FGFR2: variants seen among roughly 807,000 people sequenced by gnomAD.
FGFR2 encodes fibroblast growth factor receptor 2.
FGFR2 carries 19 observed loss-of-function variants against 95.9 expected under a neutral mutation model. The observed-to-expected ratio is 0.20, with a 90% CI of 0.14 to 0.29. The LOEUF is 0.29. FGFR2 is among the 10% of genes least tolerant of loss of function. The probability of loss-of-function intolerance (pLI) is 1.00; values close to 1 mark genes in which losing one functional copy is unlikely to be tolerated. For missense variants in FGFR2, 707 were observed against 1,056.9 expected, an observed-to-expected ratio of 0.67 and a Z score of 4.59; for synonymous variants, 392 against 393.3, an observed-to-expected ratio of 1.00 and a Z score of 0.04.
intron 17 of FGFR2, 82 bp downstream of exon 17, chr10:121,483,616 A>G (rs552584481): frequency 2.2e-4 from 222 of 991,792 alleles, no homozygotes; most frequent in Non-Finnish European, 3.2e-4. Flanking sequence ...ACCAACAGCC[A>G]ACAGGGGAGT....
intron 5 of FGFR2, among the ~76,000 whole-genome samples, chr10:121,540,094 A>G (rs1853475552): frequency 6.6e-6 from 1 of 152,194 alleles, no homozygotes; most frequent in Admixed American, 6.5e-5. Context: ...GGATCACTGG[A>G]TGAAGGTTGG....
At position 121,518,892 on chromosome 10, in the gene FGFR2, TC is replaced by T. The variant is rs1850096355; in HGVS notation, c.939+1086del. Reference sequence around the variant, plus strand: ...AGGAAGGTCTTAGCATTGTCTATGGTCCCACCACCAACACACCGCAAGAAAA... The same window carrying T: ...AGGAAGGTCTTAGCATTGTCTATGGTCCACCACCAACACACCGCAAGAAAA... On this transcript the variant is annotated intron_variant, in intron 7 of 17. Transcript: ENST00000358487. This position sits in a 1 kb window ranked among gnomAD's most constrained non-coding sequence, Gnocchi z 4.0. The T allele has an allele frequency of 5.0e-6, 8 of 1,596,926 alleles. No individual in the cohort carries two copies. Among genetic ancestry groups the T allele is most frequent in the Middle Eastern group, 1.7e-4 (1 of 6,022 alleles).
chr10:121,540,888 T>G, intron 5 of FGFR2, among the ~76,000 whole-genome samples: 1 of 152,162 alleles, frequency 6.6e-6, no homozygotes, highest in East Asian at 1.9e-4. Context: ...CATGGAGTAT[T>G]CCAAATGGAG....
intron 1 of FGFR2, among the ~76,000 whole-genome samples, chr10:121,596,945 G>A (rs1564760892): frequency 6.6e-6 from 1 of 152,198 alleles, no homozygotes; most frequent in Non-Finnish European, 1.5e-5. Flanking sequence ...GAGCCCGGTG[G>A]AAGATTTACA....
At chr10:121,513,395 C>T (rs1297092481) in intron 9 of FGFR2, among the ~76,000 whole-genome samples, 2 of 152,126 alleles carry the variant, frequency 1.3e-5, no homozygotes, top group Admixed American at 6.6e-5. Flanking sequence ...AAAGAAAACA[C>T]GATGACTGTG....
chr10:121,540,445 G>A (rs573662294), intron 5 of FGFR2, among the ~76,000 whole-genome samples: 97 of 152,316 alleles, frequency 6.4e-4, no homozygotes, highest in Non-Finnish European at 1.0e-3. Flanking sequence ...GTCTTCTGAA[G>A]GAGGAGGAGA....
intron 4 of FGFR2, among the ~76,000 whole-genome samples, chr10:121,560,540 G>A (rs1371494463): frequency 6.7e-5 from 10 of 149,880 alleles, no homozygotes; most frequent in African/African-American, 2.0e-4. Flanking sequence ...GCGTGAACCC[G>A]GGAGGCGGAG....
chr10:121,482,187 A>C (rs1194165318), intron 17 of FGFR2: 1 of 1,612,700 alleles, frequency 6.2e-7, no homozygotes, highest in Non-Finnish European at 8.5e-7. Context: ...TCTGATAGGA[A>C]AAAAACAGGG....
Position 121,593,897 on chromosome 10 carries a change from T to A in FGFR2, c.-80A>T, listed in dbSNP as rs1247078846. ...CATCTGCACACTTCCTCTACGGGCA[T>A]GGACTACGCGCAATGCCTTCAGCCT... On this transcript the variant is annotated 5_prime_UTR_variant, in exon 2 of 18. An upstream start codon of the reference 5' UTR is lost. Transcript: ENST00000358487. 1 of 1,332,914 alleles carries A rather than the reference T, an allele frequency of 7.5e-7. No homozygotes were observed. Among genetic ancestry groups the A allele is most frequent in the Non-Finnish European group, 1.1e-6 (1 of 925,822 alleles). The allele number at this position is 1,332,914 out of a possible 1,614,324, so 82.6% of individuals were successfully genotyped here. A position where few individuals can be genotyped will look rare whatever the true frequency, so the allele number is the denominator to read the frequency against.
intron 2 of FGFR2, chr10:121,583,468 T>C (rs1173153600): frequency 3.3e-5 from 5 of 152,200 alleles, no homozygotes; most frequent in Admixed American, 2.0e-4. Context: ...ACTCCTACGG[T>C]GTGGCGCAGC....
intron 6 of FGFR2, 67 bp from the exon 7 acceptor site, chr10:121,520,236 T>C: frequency 6.7e-7 from 1 of 1,497,194 alleles, no homozygotes; most frequent in South Asian, 1.3e-5. Context: ...ATAAGCTGTG[T>C]TGTCCAGAGG....
In FGFR2 at chr10:121,593,725, G is replaced by A. The variant is rs2135482579; in HGVS notation, c.93C>T (p.Thr31=). Residue 31 remains threonine, a synonymous_variant, in exon 2 of 18, where the codon ACC becomes ACT. Coordinates refer to ENST00000358487, the MANE Select transcript of FGFR2 (RefSeq NM_000141.5). ...ARPSFSLVED[T]TLEPEEPPTK... ...ATGACTTACCTTCTGGCTCTAATGT[G>A]GTATCCTCAACTAAACTGAAGGAGG... 6.2e-7 allele frequency: 1 copy of A among 1,613,960 alleles called. No homozygotes were observed. Among genetic ancestry groups the A allele is most frequent in the East Asian group, 2.2e-5 (1 of 44,882 alleles).
chr10:121,538,751 T>C (rs369081211), intron 5 of FGFR2, 36 bp from the exon 6 acceptor site: 27 of 1,613,888 alleles, frequency 1.7e-5, no homozygotes, highest in East Asian at 4.5e-5. Flanking sequence ...TATTTAACAA[T>C]CCTAGCACAG....
At chr10:121,580,069 C>T (rs1420897627) in intron 2 of FGFR2, among the ~76,000 whole-genome samples, 3 of 152,190 alleles carry the variant, frequency 2.0e-5, no homozygotes, top group Admixed American at 2.0e-4. Context: ...GTCCAGATCC[C>T]GTTTGACATT....
intron 4 of FGFR2, among the ~76,000 whole-genome samples, chr10:121,560,218 G>A (rs563311277): frequency 2.6e-5 from 4 of 152,074 alleles, no homozygotes; most frequent in East Asian, 1.9e-4. Flanking sequence ...CCACCTGATC[G>A]GGTTATTGGT....
At chr10:121,486,064 T>C (rs752646877) in intron 15 of FGFR2, among the ~76,000 whole-genome samples, 5 of 152,096 alleles carry the variant, frequency 3.3e-5, no homozygotes, top group Non-Finnish European at 7.4e-5. Flanking sequence ...CCCAGATGAG[T>C]TGCACACAAC....
chr10:121,481,805 T>C (rs1246128297), intron 17 of FGFR2: 2 of 226,120 alleles, frequency 8.8e-6, no homozygotes, highest in East Asian at 1.4e-4. Context: ...AATAGAACTT[T>C]AGTGCTTTTC....
intron 2 of FGFR2, among the ~76,000 whole-genome samples, chr10:121,581,021 G>A (rs1198281839): frequency 3.3e-5 from 5 of 152,180 alleles, no homozygotes; most frequent in African/African-American, 1.2e-4. Context: ...TGACTCCCCT[G>A]GCCGCCCTCC....
At chr10:121,487,260 G>C in intron 15 of FGFR2, 94 bp downstream of exon 15, 1 of 952,338 alleles carries the variant, frequency 1.1e-6, no homozygotes, top group Non-Finnish European at 1.7e-6. Flanking sequence ...TGTGTGAAAT[G>C]CAGCAGCCAC....
Sources: gnomAD v4.1 joint callset for allele counts (sites outside exome capture counted in the v4.1 genomes callset) on GRCh38, gnomAD v4.1.1 for gene constraint, Gnocchi (gnomAD v3.1) non-coding constraint, MANE v1.5 for transcripts, NCBI Gene and HGNC (gene_info 2026-07-23, HGNC 2026-07-21) for gene names.